The following MAGI2 variants were observed in gnomAD, a reference collection of about 807,000 sequenced individuals.
MAGI2 encodes membrane associated guanylate kinase, WW and PDZ domain containing 2, also known as membrane-associated guanylate kinase, WW and PDZ domain-containing protein 2.
MAGI2 carries 35 observed loss-of-function variants against 133.3 expected under a neutral mutation model. The observed-to-expected ratio is 0.26, with a 90% CI of 0.20 to 0.35. The LOEUF is 0.35. MAGI2 is among the 10% of genes least tolerant of loss of function. MAGI2 has a pLI of 1.00. For synonymous variants in MAGI2, 729 were observed against 710.6 expected (o/e 1.03, Z -0.41); for missense variants, 1,636 against 1,863.4 (o/e 0.88, Z 2.25).
At chr7:79,249,679 C>T (rs1378404090) in intron 1 of MAGI2, among the ~76,000 whole-genome samples, 2 of 152,032 alleles carry the variant, frequency 1.3e-5, no homozygotes, top group Non-Finnish European at 2.9e-5. Context: ...AAAGAAAATC[C>T]TGAGACCTGA....
chr7:78,774,705 A>G (rs1366911286), intron 2 of MAGI2, among the ~76,000 whole-genome samples: 2 of 152,166 alleles, frequency 1.3e-5, no homozygotes, highest in African/African-American at 2.4e-5. Context: ...GACCACAGGC[A>G]GGATAGACAC....
chr7:78,885,101 C>T (rs964787224), intron 2 of MAGI2, among the ~76,000 whole-genome samples: 1 of 152,046 alleles, frequency 6.6e-6, no homozygotes, highest in Non-Finnish European at 1.5e-5. Context: ...GGGAGCTAAA[C>T]ATTAGGTACA....
intron 1 of MAGI2, among the ~76,000 whole-genome samples, chr7:79,177,769 G>C (rs982263477): frequency 2.0e-5 from 3 of 152,020 alleles, no homozygotes; most frequent in Non-Finnish European, 4.4e-5. Flanking sequence ...TGATTTTGTA[G>C]AGCCTACAAT....
chr7:79,350,891 T>C (rs571684638), intron 1 of MAGI2, among the ~76,000 whole-genome samples: 2 of 152,256 alleles, frequency 1.3e-5, no homozygotes, highest in African/African-American at 4.8e-5. Flanking sequence ...GAAATCTATG[T>C]CCCTTTGTTT....
intron 9 of MAGI2, among the ~76,000 whole-genome samples, chr7:78,258,418 A>G (rs1793205352): frequency 6.6e-6 from 1 of 152,196 alleles, no homozygotes; most frequent in Non-Finnish European, 1.5e-5. Flanking sequence ...AAAGAACAAC[A>G]AATACTTGTA....
intron 2 of MAGI2, among the ~76,000 whole-genome samples, chr7:78,897,708 G>T (rs1424728681): frequency 1.3e-5 from 2 of 152,074 alleles, no homozygotes; most frequent in African/African-American, 4.8e-5. Context: ...TTGAATCTAT[G>T]AATTGTTTTG....
At chr7:79,389,958 T>C (rs1019278536) in intron 1 of MAGI2, among the ~76,000 whole-genome samples, 4 of 152,174 alleles carry the variant, frequency 2.6e-5, no homozygotes, top group African/African-American at 7.2e-5. Flanking sequence ...CAATTATATA[T>C]GGGTGCTTTT....
chr7:78,586,445 TAAG>T (rs1803422521), intron 3 of MAGI2, among the ~76,000 whole-genome samples: 1 of 151,950 alleles, frequency 6.6e-6, no homozygotes, highest in African/African-American at 2.4e-5. Context: ...ACATTTTATA[TAAG>T]AAGAAGAAAA....
intron 2 of MAGI2, among the ~76,000 whole-genome samples, chr7:78,817,909 C>A (rs1789748237): frequency 6.6e-6 from 1 of 151,994 alleles, no homozygotes; most frequent in Admixed American, 6.6e-5. Flanking sequence ...CGGGGTCTCA[C>A]CACGTTGGTC....
intron 1 of MAGI2, among the ~76,000 whole-genome samples, chr7:79,067,700 C>T (rs1814509853): frequency 6.6e-6 from 1 of 152,190 alleles, no homozygotes; most frequent in African/African-American, 2.4e-5. Flanking sequence ...AAAGGGAATG[C>T]TTCCAGCTTT....
At chr7:78,926,043 C>T (rs1190187471) in intron 2 of MAGI2, among the ~76,000 whole-genome samples, 4 of 151,960 alleles carry the variant, frequency 2.6e-5, no homozygotes, top group South Asian at 2.1e-4. Context: ...AAATCTTCAC[C>T]GCTATTTCAA....
At position 79,116,117 on chromosome 7, in the gene MAGI2, G is replaced by A. The variant is rs1390446613; in HGVS notation, c.302-108911C>T. Among the ~76,000 whole-genome samples, 5 of 152,046 alleles carry A rather than the reference G, an allele frequency of 3.3e-5. No homozygotes were observed. The South Asian group carries it at 1.0e-3, about 32-fold the overall frequency. On this transcript the variant is annotated intron_variant, in intron 1 of 21. Coordinates refer to ENST00000354212, the MANE Select transcript of MAGI2 (RefSeq NM_012301.4). ...AAGGTAGAGGAAGAGAACAGACTAG[G>A]TGAGCTAAAGATTGAAGGGACACTC...
intron 1 of MAGI2, among the ~76,000 whole-genome samples, chr7:79,444,802 G>GC (rs1848729565): frequency 6.6e-6 from 1 of 152,004 alleles, no homozygotes; most frequent in African/African-American, 2.4e-5. Context: ...TCACAGAATT[G>GC]GAAAAAAACT....
chr7:79,021,420 A>T (rs1584705373), intron 1 of MAGI2, among the ~76,000 whole-genome samples: 1 of 152,214 alleles, frequency 6.6e-6, no homozygotes, highest in East Asian at 1.9e-4. Flanking sequence ...GAAAAGTCAC[A>T]GGGGTGGAGC....
intron 2 of MAGI2, among the ~76,000 whole-genome samples, chr7:78,671,059 A>T (rs1280008262): frequency 3.3e-5 from 5 of 152,168 alleles, no homozygotes; most frequent in African/African-American, 1.2e-4. Flanking sequence ...CCATTGCGAG[A>T]AAACACCAAA....
At chr7:78,578,087 TG>T (rs11332818) in intron 3 of MAGI2, among the ~76,000 whole-genome samples, 13,456 of 151,852 alleles carry the variant, frequency 0.089, 729 homozygotes, top group African/African-American at 0.14. Context: ...TATATTTTAT[TG>T]GTTTTCACTT....
intron 2 of MAGI2, among the ~76,000 whole-genome samples, chr7:78,743,120 C>T (rs575234793): frequency 2.6e-5 from 4 of 152,162 alleles, no homozygotes; most frequent in East Asian, 1.9e-4. Flanking sequence ...AAATGATTAT[C>T]GCTGTTTTAA....
intron 2 of MAGI2, among the ~76,000 whole-genome samples, chr7:78,834,317 G>A (rs1051047431): frequency 1.3e-4 from 19 of 151,994 alleles, no homozygotes; most frequent in African/African-American, 3.9e-4. Context: ...TCTTCACCCC[G>A]CAAAAAGAAA....
At chr7:78,655,429 C>G (rs376697966) in intron 2 of MAGI2, among the ~76,000 whole-genome samples, 1 of 28,204 alleles carries the variant, frequency 3.5e-5, no homozygotes, top group Admixed American at 4.2e-4. Context: ...CAAAACAAAA[C>G]AAAAAACAAA....
Sources: allele counts gnomAD v4.1 joint callset (sites outside exome capture counted in the v4.1 genomes callset), GRCh38; gene constraint gnomAD v4.1.1; transcripts MANE v1.5; gene names NCBI Gene and HGNC (gene_info 2026-07-23, HGNC 2026-07-21).